PPP1R42: variants seen among roughly 807,000 people sequenced by gnomAD.
PPP1R42 encodes the protein protein phosphatase 1 regulatory subunit 42.
In PPP1R42, 34 loss-of-function variants were observed where a neutral mutation model predicts 31.0. The ratio of observed to expected loss-of-function variants is 1.10; its 90% confidence interval spans 0.83 to 1.46. The LOEUF (loss-of-function observed/expected upper bound fraction) is 1.46. Among genes scored for constraint, PPP1R42 ranks in the 40% most tolerant of loss-of-function variants. The pLI is 0.00. For missense variants in PPP1R42, 268 were observed against 303.0 expected, an observed-to-expected ratio of 0.88 and a Z score of 0.86; for synonymous variants, 103 against 109.8, an observed-to-expected ratio of 0.94 and a Z score of 0.39.
chr8:66,987,584 G>A (rs1334080969), intron 6 of PPP1R42, among the ~76,000 whole-genome samples: 1 of 152,098 alleles, frequency 6.6e-6, no homozygotes, highest in Non-Finnish European at 1.5e-5. Flanking sequence ...GAGCCACCGC[G>A]CCCGGCCTCA....
At chr8:67,020,017 A>G (rs530064575) in intron 1 of PPP1R42, among the ~76,000 whole-genome samples, 1 of 152,320 alleles carries the variant, frequency 6.6e-6, no homozygotes, top group East Asian at 1.9e-4. Flanking sequence ...TAGTACCCAT[A>G]GAGACCATAT....
chr8:67,014,486 AGG>A lies in PPP1R42; in HGVS notation c.234_235del (p.Leu79ThrfsTer45). ...TATACATGAAATACAATTGTTTTGTAGGTACAAGTGGGTCAGATTTGTGGCAT... is the reference window on the plus strand; with the variant it reads ...TATACATGAAATACAATTGTTTTGTATACAAGTGGGTCAGATTTGTGGCAT... On this transcript the variant is annotated frameshift_variant, in exon 3 of 8. Transcript: ENST00000685739. LOFTEE classifies it high-confidence loss of function. The A allele has an allele frequency of 6.3e-7, 1 of 1,592,612 alleles. No homozygotes were observed. The highest frequency in any genetic ancestry group is 8.6e-7 in the Non-Finnish European group (1 of 1,168,226).
intron 5 of PPP1R42, among the ~76,000 whole-genome samples, chr8:66,995,570 A>C (rs1019958590): frequency 3.9e-5 from 6 of 152,180 alleles, no homozygotes; most frequent in Admixed American, 1.3e-4. Flanking sequence ...GCTATGTGCC[A>C]AGCACTGGGC....
intron 7 of PPP1R42, chr8:66,971,216 T>G: frequency 2.9e-6 from 3 of 1,050,636 alleles, no homozygotes; most frequent in Non-Finnish European, 3.8e-6. Flanking sequence ...ATAACAATAT[T>G]AGATTATCTA....
chr8:67,014,121 T>A (rs925754120), intron 3 of PPP1R42, among the ~76,000 whole-genome samples: 18 of 152,208 alleles, frequency 1.2e-4, no homozygotes, highest in African/African-American at 4.3e-4. Context: ...TATTAGCACT[T>A]AAGACAACCC....
chr8:67,010,920 CT>C, intron 4 of PPP1R42, 89 bp from the exon 5 acceptor site: 1 of 1,260,442 alleles, frequency 7.9e-7, no homozygotes, highest in Non-Finnish European at 1.1e-6. Flanking sequence ...AAAGTTTAAG[CT>C]TGATCAGTTC....
intron 7 of PPP1R42, among the ~76,000 whole-genome samples, chr8:66,967,610 C>A (rs559937047): frequency 6.7e-6 from 1 of 149,084 alleles, no homozygotes; most frequent in South Asian, 2.1e-4. Context: ...AACTGTTATT[C>A]GAGTTCACTT....
chr8:66,981,028 G>C (rs1814815432), intron 7 of PPP1R42, among the ~76,000 whole-genome samples: 1 of 151,982 alleles, frequency 6.6e-6, no homozygotes. Flanking sequence ...TTTTTGTAGA[G>C]ATAGGGTTTC....
chr8:66,973,388 C>T (rs895490798), intron 7 of PPP1R42, among the ~76,000 whole-genome samples: 22 of 152,104 alleles, frequency 1.4e-4, no homozygotes, highest in African/African-American at 5.3e-4. Context: ...ACTGCAGCCT[C>T]TGCCTCCCAG....
chr8:67,002,953 G>C (rs1315839043), intron 5 of PPP1R42, among the ~76,000 whole-genome samples: 3 of 149,584 alleles, frequency 2.0e-5, no homozygotes, highest in Non-Finnish European at 4.4e-5. Context: ...TCAGGAGTTC[G>C]AGACCAGTCT....
chr8:66,978,396 A>C (rs535784936), intron 7 of PPP1R42, among the ~76,000 whole-genome samples: 1 of 152,246 alleles, frequency 6.6e-6, no homozygotes, highest in African/African-American at 2.4e-5. Context: ...TCAAGATGAG[A>C]TTTGGGTGGG....
intron 7 of PPP1R42, 140 bp downstream of exon 7, chr8:66,981,908 TA>T: frequency 1.2e-6 from 1 of 854,164 alleles, no homozygotes; most frequent in Non-Finnish European, 1.6e-6. Context: ...TACAACTAAG[TA>T]AATAAGTTTT....
At chr8:66,968,561 C>G in intron 7 of PPP1R42, 1 of 833,534 alleles carries the variant, frequency 1.2e-6, no homozygotes, top group Non-Finnish European at 1.4e-6. Flanking sequence ...AATCAATTTT[C>G]TAGAAACTAA....
chr8:66,979,739 T>G (rs190625999), intron 7 of PPP1R42, among the ~76,000 whole-genome samples: 1 of 152,176 alleles, frequency 6.6e-6, no homozygotes, highest in Non-Finnish European at 1.5e-5. Flanking sequence ...TTTTTTCTAT[T>G]TCTGTGAAAA....
chr8:66,973,014 G>A (rs1814574878), intron 7 of PPP1R42, among the ~76,000 whole-genome samples: 2 of 152,154 alleles, frequency 1.3e-5, no homozygotes, highest in South Asian at 4.1e-4. Flanking sequence ...TGCATATAAT[G>A]ATCTTCTGCC....
At chr8:67,003,494 T>C (rs1815574219) in intron 5 of PPP1R42, among the ~76,000 whole-genome samples, 2 of 151,884 alleles carry the variant, frequency 1.3e-5, no homozygotes, top group Admixed American at 1.3e-4. Context: ...ATTCATCTTG[T>C]TTTTTCTCTT....
chr8:66,985,166 C>T, intron 6 of PPP1R42: 1 of 1,132,220 alleles, frequency 8.8e-7, no homozygotes, highest in African/African-American at 1.5e-5. Flanking sequence ...TGTGAAATCT[C>T]TGCCTGAAGC....
chr8:67,018,051 CT>C (rs1443875331), intron 1 of PPP1R42, among the ~76,000 whole-genome samples: 2 of 151,980 alleles, frequency 1.3e-5, no homozygotes, highest in South Asian at 2.1e-4. Context: ...TACTCATTCA[CT>C]TTTACTTTTA....
chr8:67,023,785 C>G (rs1205070212), intron 1 of PPP1R42, among the ~76,000 whole-genome samples: 2 of 151,704 alleles, frequency 1.3e-5, no homozygotes, highest in Non-Finnish European at 2.9e-5. Flanking sequence ...AACATTTCAC[C>G]AAGTATGATA....
Sources: allele counts gnomAD v4.1 joint callset (sites outside exome capture counted in the v4.1 genomes callset), GRCh38; gene constraint gnomAD v4.1.1; transcripts MANE v1.5; gene names NCBI Gene and HGNC (gene_info 2026-07-23, HGNC 2026-07-21).